Variants in CABYR observed in about 807,000 individuals in gnomAD.
CABYR encodes the protein calcium binding tyrosine phosphorylation regulated.
In CABYR, 31 loss-of-function variants were observed where a neutral mutation model predicts 36.1. The observed-to-expected ratio is 0.86, with a 90% CI of 0.64 to 1.16. The LOEUF (loss-of-function observed/expected upper bound fraction) is 1.16, where lower values mean the gene tolerates loss of function less well. Ranked by LOEUF, CABYR falls within the 50% of genes most tolerant of loss-of-function variation. The probability of loss-of-function intolerance (pLI) is 0.00; values close to 1 mark genes in which losing one functional copy is unlikely to be tolerated. For synonymous variants in CABYR, 146 were observed against 160.7 expected, an observed-to-expected ratio of 0.91 and a Z score of 0.69; for missense variants, 429 against 455.8, an observed-to-expected ratio of 0.94 and a Z score of 0.53.
chr18:24,159,365 A>G (rs1228949703), intron 4 of CABYR, 107 bp from the exon 5 acceptor site: 2 of 761,190 alleles, frequency 2.6e-6, no homozygotes, highest in Non-Finnish European at 4.5e-6. Context: ...TACGGTACAT[A>G]TCACTACAGC....
intron 3 of CABYR, among the ~76,000 whole-genome samples, chr18:24,155,163 T>TC (rs566982982): frequency 2.0e-5 from 3 of 152,030 alleles, no homozygotes; most frequent in East Asian, 1.9e-4. Context: ...CAAGTTGGTC[T>TC]CCCCCCCACC....
At chr18:24,154,844 A>G (rs2085732853) in intron 3 of CABYR, among the ~76,000 whole-genome samples, 1 of 152,084 alleles carries the variant, frequency 6.6e-6, no homozygotes, top group African/African-American at 2.4e-5. Context: ...ACCCATGAGA[A>G]TTTTCCTCAT....
chr18:24,156,621 T>C, intron 4 of CABYR: 2 of 1,614,126 alleles, frequency 1.2e-6, no homozygotes, highest in Non-Finnish European at 1.7e-6. Context: ...GAATGCAAAA[T>C]ATTCCTCAGT....
intron 3 of CABYR, 44 bp downstream of exon 3, chr18:24,143,457 A>C: frequency 8.9e-7 from 1 of 1,123,592 alleles, no homozygotes; most frequent in Non-Finnish European, 1.3e-6. Flanking sequence ...GATGTTTATT[A>C]ATTATTGCAT....
chr18:24,160,597 T>A (rs949049631), intron 5 of CABYR, among the ~76,000 whole-genome samples: 1 of 152,224 alleles, frequency 6.6e-6, no homozygotes, highest in South Asian at 2.1e-4. Context: ...CACTCACAAA[T>A]CATTTTTTAA....
chr18:24,143,052 GT>G (rs2085365626), intron 1 of CABYR, 38 bp from the exon 2 acceptor site: 1 of 924,910 alleles, frequency 1.1e-6, no homozygotes, highest in African/African-American at 1.7e-5. Context: ...ACCTATTTTA[GT>G]AAAACTAATT....
At position 24,159,767 on chromosome 18, in the gene CABYR, T is replaced by G; in HGVS notation, c.837T>G (p.His279Gln). The G allele has an allele frequency of 1.2e-6, 2 of 1,614,082 alleles. No individual in the cohort carries two copies. Among genetic ancestry groups the G allele is most frequent in the Non-Finnish European group, 1.7e-6 (2 of 1,180,030 alleles). Residue 279 changes from histidine to glutamine, a missense_variant, in exon 5 of 6, where the codon CAT becomes CAG. Coordinates refer to ENST00000399496, the MANE Select transcript of CABYR (RefSeq NM_153769.3). ...AGGGATGGAAACCTCTTCCTGGACA[T>G]GCTGTCGTTTCACAGTCAGATGTCT... ...EAQGWKPLPG[H>Q]AVVSQSDVLR...
At chr18:24,156,609 G>C (rs148432503) in intron 4 of CABYR, 5 of 1,614,184 alleles carry the variant, frequency 3.1e-6, no homozygotes, top group Non-Finnish European at 4.2e-6. Flanking sequence ...ACAGTTGGAG[G>C]AGAATGCAAA....
At chr18:24,159,001 C>G (rs894926) in intron 4 of CABYR, among the ~76,000 whole-genome samples, 152,308 of 152,314 alleles carry the variant, frequency 1, 76,151 homozygotes, top group Non-Finnish European at 1. Flanking sequence ...AATGGTGCCT[C>G]TGAAGGGCCA....
intron 3 of CABYR, among the ~76,000 whole-genome samples, chr18:24,152,217 CA>C (rs2085659620): frequency 6.6e-6 from 1 of 152,084 alleles, no homozygotes. Context: ...TTTTCTGTAT[CA>C]CTTTTTAAAT....
intron 1 of CABYR, among the ~76,000 whole-genome samples, chr18:24,141,859 G>A (rs2085329449): frequency 6.6e-6 from 1 of 152,090 alleles, no homozygotes; most frequent in African/African-American, 2.4e-5. Flanking sequence ...GAAAATTTGG[G>A]AAGAGGGTAA....
intron 5 of CABYR, 43 bp from the exon 6 acceptor site, chr18:24,161,473 T>C (rs933702978): frequency 7.7e-6 from 6 of 778,648 alleles, no homozygotes; most frequent in South Asian, 1.4e-5. Context: ...TTCGGTTTCA[T>C]GTTTAACTTT....
chr18:24,146,403 T>G (rs1444960968), intron 3 of CABYR, among the ~76,000 whole-genome samples: 1 of 152,064 alleles, frequency 6.6e-6, no homozygotes, highest in Admixed American at 6.6e-5. Flanking sequence ...TATGGAACAT[T>G]GTCAAAAGGT....
chr18:24,156,753 C>T lies in CABYR; in HGVS notation c.541+711C>T, dbSNP rs760438730. On this transcript the variant is annotated intron_variant, in intron 4 of 5. Transcript: ENST00000399496. ...CAAAATAGGCTCTGAAAAATCTCTGCACCTTGAAGTGGAGATCACTTCAAT... is the reference window on the plus strand; with the variant it reads ...CAAAATAGGCTCTGAAAAATCTCTGTACCTTGAAGTGGAGATCACTTCAAT... 5.6e-6 allele frequency: 9 copies of T among 1,614,064 alleles called. No homozygotes were observed. In the African/African-American group the frequency reaches 1.2e-4, roughly 22 times the overall value.
chr18:24,160,501 T>TGGTAAGAGGCAGTAGATGGAGA (rs1226749827), intron 5 of CABYR, among the ~76,000 whole-genome samples: 23 of 152,280 alleles, frequency 1.5e-4, no homozygotes, highest in Non-Finnish European at 3.1e-4. Flanking sequence ...TTAATCCACG[T>TGGTAAGAGGCAGTAGATGGAGA]GGTAAGAGGC....
In CABYR at chr18:24,160,087, C is replaced by A; in HGVS notation, c.1139+18C>A. On this transcript the variant is annotated intron_variant, in intron 5 of 5. Transcript: ENST00000399496. ...GAAAACTGGTAGGTACACTTTCCTA[C>A]CATAATATTTAGGCCTTAACACACG... 6.4e-7 allele frequency: 1 copy of A among 1,559,250 alleles called. No individual in the cohort carries two copies. The highest frequency in any genetic ancestry group is 8.8e-7 in the Non-Finnish European group (1 of 1,138,730).
intron 5 of CABYR, among the ~76,000 whole-genome samples, chr18:24,161,154 T>C (rs2085968071): frequency 6.7e-6 from 1 of 149,984 alleles, no homozygotes; most frequent in Non-Finnish European, 1.5e-5. Flanking sequence ...ATACACCAAT[T>C]AGTTACTTAA....
chr18:24,160,176 A>C, intron 5 of CABYR, 107 bp downstream of exon 5: 1 of 847,708 alleles, frequency 1.2e-6, no homozygotes. Flanking sequence ...ATTTGAGATA[A>C]TAAGTTGGGG....
At chr18:24,153,371 G>C (rs1034579917) in intron 3 of CABYR, among the ~76,000 whole-genome samples, 1 of 152,128 alleles carries the variant, frequency 6.6e-6, no homozygotes, top group African/African-American at 2.4e-5. Context: ...GCTCTCTCTG[G>C]CCTTCAGCCC....
Sources: gnomAD v4.1 joint callset for allele counts (sites outside exome capture counted in the v4.1 genomes callset) on GRCh38, gnomAD v4.1.1 for gene constraint, MANE v1.5 for transcripts, NCBI Gene and HGNC (gene_info 2026-07-23, HGNC 2026-07-21) for gene names.